The following ZNF487 variants were observed in gnomAD, a reference collection of about 807,000 sequenced individuals.
ZNF487 encodes zinc finger protein 487.
Under a neutral mutation model 3.0 loss-of-function variants are expected in ZNF487, and 4 were observed. That is an observed-to-expected ratio of 1.35 (90% CI 0.66 to 3.08). ZNF487 has a LOEUF of 3.08. ZNF487 is among the 30% of genes most tolerant of loss of function. The pLI, the probability that ZNF487 is intolerant of heterozygous loss-of-function variation, is 0.01. For missense variants in ZNF487, 146 were observed against 98.7 expected (o/e 1.48, Z -2.03); for synonymous variants, 55 against 34.6 (o/e 1.59, Z -2.06).
At chr10:43,472,005 G>T (rs951171914) in intron 1 of ZNF487, among the ~76,000 whole-genome samples, 2 of 152,168 alleles carry the variant, frequency 1.3e-5, no homozygotes, top group Admixed American at 6.6e-5. Flanking sequence ...TGGCTTTCAG[G>T]CTTTAAACTG....
the ZNF487 span, among the ~76,000 whole-genome samples, chr10:43,500,286 A>G: frequency 6.6e-6 from 1 of 152,190 alleles, no homozygotes; most frequent in South Asian, 2.1e-4. Flanking sequence ...CTAGGATTAC[A>G]GGCATGAGCC....
At chr10:43,475,993 A>G (rs11238553) in intron 2 of ZNF487, 114 bp from the exon 3 acceptor site, 42,681 of 667,636 alleles carry the variant, frequency 0.064, 2,006 homozygotes, top group East Asian at 0.18. Flanking sequence ...CACTGTAAAG[A>G]ATATCTGTGG....
At chr10:43,493,270 G>A in the ZNF487 span, among the ~76,000 whole-genome samples, 135,870 of 152,172 alleles carry the variant, frequency 0.89, 60,706 homozygotes, top group East Asian at 1. Flanking sequence ...CAAAACTCTA[G>A]TGGTGTTCAT....
chr10:43,448,176 AG>A (rs1458641431), intron 1 of ZNF487, among the ~76,000 whole-genome samples: 2 of 151,280 alleles, frequency 1.3e-5, no homozygotes, highest in Non-Finnish European at 2.9e-5. Context: ...TTTTTTGTAG[AG>A]ACGGGGTTTC....
At chr10:43,496,632 C>CATTT in the ZNF487 span, among the ~76,000 whole-genome samples, 2 of 152,132 alleles carry the variant, frequency 1.3e-5, no homozygotes, top group African/African-American at 4.8e-5. Context: ...TATTTCATTT[C>CATTT]ATTTATTTAT....
intron 1 of ZNF487, chr10:43,452,020 G>A (rs1341787055): frequency 6.6e-6 from 1 of 152,220 alleles, no homozygotes; most frequent in Admixed American, 6.5e-5. Flanking sequence ...ACAAGGACTG[G>A]GTGGCACTGC....
At chr10:43,477,118 A>T (rs193210756) in intron 3 of ZNF487, among the ~76,000 whole-genome samples, 1 of 152,232 alleles carries the variant, frequency 6.6e-6, no homozygotes, top group African/African-American at 2.4e-5. Flanking sequence ...AATACTGAAA[A>T]ATGACCCAAC....
the ZNF487 span, among the ~76,000 whole-genome samples, chr10:43,491,057 C>T: frequency 1.1e-4 from 16 of 145,906 alleles, no homozygotes; most frequent in South Asian, 2.2e-4. Context: ...ACCTCTGCCT[C>T]GCAGGTTCAA....
downstream of ZNF487, among the ~76,000 whole-genome samples, chr10:43,485,793 C>A (rs1250398630): frequency 2.6e-5 from 4 of 152,164 alleles, no homozygotes; most frequent in African/African-American, 9.7e-5. Flanking sequence ...CTGCTCTAGG[C>A]CATTTTCTGG....
At chr10:43,463,716 T>TTTC (rs1564420944) in intron 1 of ZNF487, among the ~76,000 whole-genome samples, 36 of 10,970 alleles carry the variant, frequency 3.3e-3, no homozygotes, top group Middle Eastern at 0.062. Context: ...TTCTTTCTTT[T>TTTC]TTTTTTTTTT....
chr10:43,519,586 G>A, the ZNF487 span, among the ~76,000 whole-genome samples: 3 of 151,638 alleles, frequency 2.0e-5, no homozygotes, highest in African/African-American at 7.3e-5. Flanking sequence ...TTCTGCCTCA[G>A]CCTCCCAAGC....
At chr10:43,502,298 C>T in the ZNF487 span, among the ~76,000 whole-genome samples, 64 of 152,114 alleles carry the variant, frequency 4.2e-4, no homozygotes, top group East Asian at 1.2e-3. Flanking sequence ...AACCAAACAC[C>T]GCATATTCTC....
chr10:43,480,084 CTTTCTTTTCTTTTCT>C (rs375980543), intron 3 of ZNF487, among the ~76,000 whole-genome samples: 8 of 139,836 alleles, frequency 5.7e-5, no homozygotes, highest in Non-Finnish European at 9.2e-5. Flanking sequence ...TTCCTTCCTT[CTTTCTTTTCTTTTCT>C]TTTCTTTTCT....
chr10:43,504,293 CT>C, the ZNF487 span, among the ~76,000 whole-genome samples: 3,116 of 108,736 alleles, frequency 0.029, 23 homozygotes, highest in Non-Finnish European at 0.039. Flanking sequence ...TTCTTTCTTT[CT>C]TTTTTTTTTT....
In ZNF487 at chr10:43,482,436, CTT is replaced by C. The variant is rs762191414; in HGVS notation, c.*517_*518del. 2 of 471,206 alleles carry C rather than the reference CTT, an allele frequency of 4.2e-6. No homozygotes were observed. Among genetic ancestry groups the C allele is most frequent in the African/African-American group, 4.0e-5 (2 of 50,154 alleles). The allele number at this position is 471,206 out of a possible 1,614,324, so 29.2% of individuals were successfully genotyped here. Reference sequence around the variant, plus strand: ...TATGAATGCACTGAATGTGGGAAAACTTTTGGATATAGGTCATGCCTTGCAGT... The same window carrying C: ...TATGAATGCACTGAATGTGGGAAAACTTGGATATAGGTCATGCCTTGCAGT... On this transcript the variant is annotated 3_prime_UTR_variant, in exon 4 of 4. Transcript: ENST00000437590.
In ZNF487 at chr10:43,438,730, A is replaced by G. The variant is rs77434852; in HGVS notation, c.-94+1468A>G. Among the ~76,000 whole-genome samples the G allele has an allele frequency of 6.1e-3, 931 of 152,284 alleles. 9 individuals carry two copies. Among genetic ancestry groups the G allele is most frequent in the African/African-American group, 0.018 (739 of 41,576 alleles). The stretch of plus-strand genomic sequence containing the variant: ...AAAGGGAGAGGTAACCCCAGTGTCC[A>G]TTGATAGATGGATAAACAAAATGTG... On this transcript the variant is annotated intron_variant, in intron 1 of 3. Transcript: ENST00000437590.
At chr10:43,500,812 A>G in the ZNF487 span, among the ~76,000 whole-genome samples, 75 of 152,298 alleles carry the variant, frequency 4.9e-4, no homozygotes, top group South Asian at 1.9e-3. Context: ...CCTGGTCAGC[A>G]AGGCCTTTAA....
At chr10:43,520,205 T>G in the ZNF487 span, among the ~76,000 whole-genome samples, 19 of 151,986 alleles carry the variant, frequency 1.3e-4, no homozygotes, top group African/African-American at 4.6e-4. Context: ...TTTTTCCACT[T>G]AAATTTTTCT....
downstream of ZNF487, among the ~76,000 whole-genome samples, chr10:43,487,136 ATTTTTTTT>A (rs5784601): frequency 4.1e-5 from 5 of 120,646 alleles, no homozygotes; most frequent in Admixed American, 9.4e-5. Context: ...GTCACTAAGA[ATTTTTTTT>A]TTTTTTTTTT....
Sources: gnomAD v4.1 joint callset for allele counts (sites outside exome capture counted in the v4.1 genomes callset) on GRCh38, gnomAD v4.1.1 for gene constraint, MANE v1.5 for transcripts, NCBI Gene and HGNC (gene_info 2026-07-23, HGNC 2026-07-21) for gene names.